The following ARB2A variants were observed in gnomAD, a reference collection of about 807,000 sequenced individuals.
ARB2A encodes cotranscriptional regulator ARB2A.
At chr5:93,847,955 C>A in the ARB2A span, among the ~76,000 whole-genome samples, 1 of 152,230 alleles carries the variant, frequency 6.6e-6, no homozygotes, top group Non-Finnish European at 1.5e-5. Flanking sequence ...TTAACTTGTA[C>A]TTAAATGCAT....
the ARB2A span, chr5:93,964,557 A>G: frequency 2.8e-6 from 4 of 1,451,700 alleles, no homozygotes; most frequent in East Asian, 4.7e-5. Context: ...TTAAGATCCA[A>G]TGTCATCCAT....
the ARB2A span, among the ~76,000 whole-genome samples, chr5:93,828,159 T>C: frequency 0.089 from 13,569 of 152,200 alleles, 787 homozygotes; most frequent in Middle Eastern, 0.17. Context: ...GGGGATGGCA[T>C]TGAATCTATA....
At chr5:93,950,670 G>A in the ARB2A span, among the ~76,000 whole-genome samples, 1 of 151,034 alleles carries the variant, frequency 6.6e-6, no homozygotes, top group South Asian at 2.1e-4. Context: ...AATAGGCCAG[G>A]CACAGTGGCT....
the ARB2A span, among the ~76,000 whole-genome samples, chr5:93,813,395 C>T: frequency 6.6e-6 from 1 of 151,794 alleles, no homozygotes; most frequent in Non-Finnish European, 1.5e-5. Flanking sequence ...CTCTTGATTG[C>T]TTATAGTGAA....
chr5:93,848,537 A>C, the ARB2A span, among the ~76,000 whole-genome samples: 1 of 152,156 alleles, frequency 6.6e-6, no homozygotes, highest in African/African-American at 2.4e-5. Flanking sequence ...AACCATAAAT[A>C]TTTTCACTGT....
At chr5:93,871,734 T>C in the ARB2A span, among the ~76,000 whole-genome samples, 1 of 152,096 alleles carries the variant, frequency 6.6e-6, no homozygotes, top group South Asian at 2.1e-4. Context: ...TCATCATAGG[T>C]TTATTGTTAT....
chr5:93,827,620 T>G, the ARB2A span, among the ~76,000 whole-genome samples: 1 of 152,026 alleles, frequency 6.6e-6, no homozygotes, highest in Admixed American at 6.6e-5. Context: ...ATTTGTCAAT[T>G]TTGGCTTTTG....
the ARB2A span, among the ~76,000 whole-genome samples, chr5:93,962,338 T>C: frequency 6.6e-6 from 1 of 152,174 alleles, no homozygotes; most frequent in African/African-American, 2.4e-5. Context: ...AATTCATGTC[T>C]CCAGAGTTCT....
At chr5:93,968,449 A>G in the ARB2A span, among the ~76,000 whole-genome samples, 1 of 152,166 alleles carries the variant, frequency 6.6e-6, no homozygotes, top group South Asian at 2.1e-4. Context: ...GCTAATTAGT[A>G]GACTGGACAT....
At chr5:93,848,063 C>A in the ARB2A span, among the ~76,000 whole-genome samples, 1 of 152,112 alleles carries the variant, frequency 6.6e-6, no homozygotes, top group Non-Finnish European at 1.5e-5. Flanking sequence ...ATCATCGAAA[C>A]TGAAATTAAA....
At chr5:93,992,162 A>G in the ARB2A span, among the ~76,000 whole-genome samples, 1 of 152,110 alleles carries the variant, frequency 6.6e-6, no homozygotes, top group Non-Finnish European at 1.5e-5. Context: ...AACTCTACAT[A>G]CATTCAAATT....
the ARB2A span, among the ~76,000 whole-genome samples, chr5:93,792,856 TA>T: frequency 6.6e-6 from 1 of 151,338 alleles, no homozygotes; most frequent in African/African-American, 2.4e-5. Flanking sequence ...ATAATAATAA[TA>T]AAAAAATAAA....
At chr5:93,828,047 T>C in the ARB2A span, among the ~76,000 whole-genome samples, 2 of 152,340 alleles carry the variant, frequency 1.3e-5, no homozygotes, top group Non-Finnish European at 2.9e-5. Flanking sequence ...TTTGTTCTTT[T>C]GGCATAGGAT....
the ARB2A span, chr5:93,736,958 A>C: frequency 6.6e-6 from 1 of 152,158 alleles, no homozygotes; most frequent in Non-Finnish European, 1.5e-5. Flanking sequence ...TGCCAGAGCA[A>C]GTGAGTAAGA....
chr5:93,773,060 C>T, the ARB2A span, among the ~76,000 whole-genome samples: 1 of 152,196 alleles, frequency 6.6e-6, no homozygotes, highest in Admixed American at 6.5e-5. Flanking sequence ...CTATTTACCC[C>T]AATTCTGGGA....
chr5:93,689,000 T>C, the ARB2A span, among the ~76,000 whole-genome samples: 3 of 152,188 alleles, frequency 2.0e-5, no homozygotes, highest in Non-Finnish European at 4.4e-5. Flanking sequence ...AATCTAATCA[T>C]ATTATATTCC....
At chr5:93,999,946 A>T in the ARB2A span, among the ~76,000 whole-genome samples, 1 of 152,062 alleles carries the variant, frequency 6.6e-6, no homozygotes, top group South Asian at 2.1e-4. Context: ...TTCCACTTAG[A>T]AATATATGGT....
chr5:93,632,015 T>A, the ARB2A span, among the ~76,000 whole-genome samples: 3 of 152,210 alleles, frequency 2.0e-5, no homozygotes, highest in African/African-American at 4.8e-5. Context: ...AGAATTCCTG[T>A]GATTGACTAA....
At chr5:93,782,008 T>C in the ARB2A span, 4 of 827,130 alleles carry the variant, frequency 4.8e-6, no homozygotes, top group South Asian at 5.5e-5. Flanking sequence ...TCCTGAGAGT[T>C]TGGAAACACT....
Sources: allele counts gnomAD v4.1 joint callset (sites outside exome capture counted in the v4.1 genomes callset), GRCh38; gene constraint gnomAD v4.1.1; transcripts MANE v1.5; gene names NCBI Gene and HGNC (gene_info 2026-07-23, HGNC 2026-07-21).